The following EFCAB8 variants were observed in gnomAD, a reference collection of about 807,000 sequenced individuals.
EFCAB8 encodes the protein EF-hand calcium binding domain 8.
A neutral mutation model predicts 116.3 loss-of-function variants in EFCAB8; 100 were observed. The ratio of observed to expected loss-of-function variants is 0.86; its 90% confidence interval spans 0.73 to 1.02. The LOEUF (loss-of-function observed/expected upper bound fraction) is 1.02. EFCAB8 is among the 50% of genes least tolerant of loss of function. The pLI is 0.00. For missense variants in EFCAB8, 1,320 were observed against 1,416.9 expected, an observed-to-expected ratio of 0.93 and a Z score of 1.10; for synonymous variants, 558 against 567.9, an observed-to-expected ratio of 0.98 and a Z score of 0.25.
chr20:32,889,387 G>A lies in EFCAB8; in HGVS notation c.654G>A (p.Ala218=), dbSNP rs201446192. The change falls in exon 7 of 27, where the codon GCG becomes GCA. Residue 218 remains alanine, a synonymous_variant. Coordinates refer to ENST00000400522, the MANE Select transcript of EFCAB8 (RefSeq NM_001143967.2). Reference sequence around the variant, plus strand: ...ACAATATGAACCTCGTTGCAGTTGCGTCTACCAGGCAAAAGATAGGTGAGT... The same window carrying A: ...ACAATATGAACCTCGTTGCAGTTGCATCTACCAGGCAAAAGATAGGTGAGT... The part of the protein sequence containing the change: ...CLHNMNLVAV[A]STRQKIDFFD... 7.0e-5 allele frequency: 109 copies of A among 1,551,872 alleles called. No individual in the cohort carries two copies. The highest frequency in any genetic ancestry group is 3.9e-4 in the South Asian group (33 of 84,068).
At chr20:32,906,692 A>G (rs764978155) in intron 12 of EFCAB8, 63 bp downstream of exon 12, 1 of 718,040 alleles carries the variant, frequency 1.4e-6, no homozygotes, top group Non-Finnish European at 2.6e-6. Context: ...TGGGGGGACC[A>G]CCAGAGCTCA....
At chr20:32,908,034 G>A (rs1313043655) in intron 13 of EFCAB8, among the ~76,000 whole-genome samples, 1 of 152,190 alleles carries the variant, frequency 6.6e-6, no homozygotes, top group African/African-American at 2.4e-5. Flanking sequence ...TGGAGGCCTG[G>A]GGGCAGGCTG....
chr20:32,868,763 T>G (rs945651583), intron 3 of EFCAB8, among the ~76,000 whole-genome samples: 7 of 152,124 alleles, frequency 4.6e-5, no homozygotes, highest in African/African-American at 1.7e-4. Flanking sequence ...GGCGGGCAGA[T>G]CACTTAAGGT....
intron 1 of EFCAB8, among the ~76,000 whole-genome samples, chr20:32,861,731 T>G (rs761292764): frequency 2.5e-4 from 38 of 152,158 alleles, no homozygotes; most frequent in Non-Finnish European, 4.3e-4. Context: ...AGACCCCATC[T>G]CAAAAGATCG....
chr20:32,906,932 G>T lies in EFCAB8; in HGVS notation c.1246G>T (p.Val416Leu), dbSNP rs1422378554. The change falls in exon 13 of 27, where the codon GTG becomes TTG. Residue 416 changes from valine (V) to leucine (L), a missense_variant. By Grantham distance (32) the Val-to-Leu change is conservative. Coordinates refer to ENST00000400522, the MANE Select transcript of EFCAB8 (RefSeq NM_001143967.2). ...VWLMKGHQTS[V>L]THILVDSRNN... is the part of the protein sequence containing the mutation. ...GCTGATGAAGGGACACCAGACCTCA[G>T]TGACGCACATCCTTGTGGATAGCAG... is the stretch of plus-strand genomic sequence containing the variant. 6.5e-7 allele frequency: 1 copy of T among 1,549,666 alleles called. No individual in the cohort carries two copies. The highest frequency in any genetic ancestry group is 8.7e-7 in the Non-Finnish European group (1 of 1,146,004).
chr20:32,951,590 A>G (rs1189361629), intron 23 of EFCAB8, among the ~76,000 whole-genome samples: 1 of 152,244 alleles, frequency 6.6e-6, no homozygotes, highest in Non-Finnish European at 1.5e-5. Flanking sequence ...TCAAAGAAGC[A>G]GGAAGAAACT....
intron 3 of EFCAB8, 46 bp downstream of exon 3, chr20:32,867,793 G>A (rs1269517869): frequency 2.0e-6 from 3 of 1,535,378 alleles, no homozygotes; most frequent in African/African-American, 1.4e-5. Flanking sequence ...TTCTGCAACA[G>A]GGCAGGACCG....
Position 32,911,602 on chromosome 20 carries a change from G to T in EFCAB8, c.1680G>T (p.Glu560Asp). 6.4e-7 allele frequency: 1 copy of T among 1,551,614 alleles called. No individual in the cohort carries two copies. The highest frequency in any genetic ancestry group is 8.7e-7 in the Non-Finnish European group (1 of 1,146,910). Reference protein sequence around the residue: ...HVEMTAMALDESERCLLTGLR... With the variant: ...HVEMTAMALDDSERCLLTGLR... ...AGATGACCGCCATGGCCCTGGATGAGTCAGAGCGGTGCCTGCTCACAGGTT... is the reference window on the plus strand; with the variant it reads ...AGATGACCGCCATGGCCCTGGATGATTCAGAGCGGTGCCTGCTCACAGGTT... The change falls in exon 16 of 27, where the codon GAG (glutamate) becomes GAT (aspartate). Residue 560 changes from glutamate to aspartate, a missense_variant. Coordinates refer to ENST00000400522, the MANE Select transcript of EFCAB8 (RefSeq NM_001143967.2).
chr20:32,889,418 G>T lies in EFCAB8; in HGVS notation c.673+12G>T, dbSNP rs1401443988. On this transcript the variant is annotated intron_variant, in intron 7 of 26. Coordinates refer to ENST00000400522, the MANE Select transcript of EFCAB8 (RefSeq NM_001143967.2). ...CAGGCAAAAGATAGGTGAGTCCCTG[G>T]GGGCTTCCCAGCTCTGCTCTCAGCC... 1.9e-6 allele frequency: 3 copies of T among 1,551,094 alleles called. No individual in the cohort carries two copies. The highest frequency in any genetic ancestry group is 2.6e-6 in the Non-Finnish European group (3 of 1,146,386).
intron 17 of EFCAB8, among the ~76,000 whole-genome samples, chr20:32,916,090 G>C (rs888372004): frequency 1.3e-5 from 2 of 152,198 alleles, no homozygotes; most frequent in African/African-American, 4.8e-5. Context: ...GAATACCATA[G>C]AGTAGGTGGC....
chr20:32,871,105 G>A (rs144988001), intron 3 of EFCAB8, among the ~76,000 whole-genome samples: 2,787 of 151,978 alleles, frequency 0.018, 41 homozygotes, highest in Middle Eastern at 0.082. Flanking sequence ...CACCTGTCTC[G>A]CCTCCCAAAG....
chr20:32,923,537 T>A (rs559393266), intron 20 of EFCAB8, among the ~76,000 whole-genome samples: 3 of 151,744 alleles, frequency 2.0e-5, no homozygotes, highest in African/African-American at 7.3e-5. Flanking sequence ...TTTATACGAG[T>A]GTATAAAGTA....
Position 32,918,474 on chromosome 20 carries a change from A to AGTCT in EFCAB8, c.2177_2180dup (p.Ala728CysfsTer58). ...AGGAAGCTCTCCAGTCTCAGCCCCG[A>AGTCT]GTCTGTGGCCAATACCAACCTGAGG... On this transcript the variant is annotated frameshift_variant, in exon 19 of 27. Transcript: ENST00000400522. LOFTEE classifies it high-confidence loss of function. 6.4e-7 allele frequency: 1 copy of AGTCT among 1,551,712 alleles called. No homozygotes were observed. Among genetic ancestry groups the AGTCT allele is most frequent in the Non-Finnish European group, 8.7e-7 (1 of 1,147,000 alleles).
At chr20:32,885,669 A>C in intron 6 of EFCAB8, 29 bp downstream of exon 6, 1 of 1,550,414 alleles carries the variant, frequency 6.4e-7, no homozygotes. Context: ...CATGGTGCAC[A>C]CATGGGTGAT....
intron 22 of EFCAB8, among the ~76,000 whole-genome samples, chr20:32,933,407 CAT>C (rs1463060679): frequency 6.6e-6 from 1 of 152,184 alleles, no homozygotes; most frequent in Non-Finnish European, 1.5e-5. Context: ...TCTATGTACA[CAT>C]GTGGAATGAT....
chr20:32,910,561 A>C (rs952178385), intron 15 of EFCAB8, among the ~76,000 whole-genome samples: 1 of 152,058 alleles, frequency 6.6e-6, no homozygotes, highest in Admixed American at 6.6e-5. Context: ...TGGGCTGCAC[A>C]AGGCTGGAGC....
At chr20:32,948,474 G>A (rs2146296895) in intron 23 of EFCAB8, among the ~76,000 whole-genome samples, 1 of 149,058 alleles carries the variant, frequency 6.7e-6, no homozygotes, top group East Asian at 2.0e-4. Flanking sequence ...CCCAACTCAT[G>A]AGGCAACTTG....
At chr20:32,903,384 G>T (rs1986525192) in intron 11 of EFCAB8, 1 of 152,296 alleles carries the variant, frequency 6.6e-6, no homozygotes, top group African/African-American at 2.4e-5. Flanking sequence ...TCCCTTGCAG[G>T]ACTCGCCATG....
intron 20 of EFCAB8, among the ~76,000 whole-genome samples, chr20:32,925,329 C>T (rs188790701): frequency 5.3e-5 from 8 of 152,308 alleles, no homozygotes; most frequent in Admixed American, 6.5e-5. Context: ...AAGTGATTCT[C>T]GTGCCTCAAC....
Sources: gnomAD v4.1 joint callset for allele counts (sites outside exome capture counted in the v4.1 genomes callset) on GRCh38, gnomAD v4.1.1 for gene constraint, MANE v1.5 for transcripts, NCBI Gene and HGNC (gene_info 2026-07-23, HGNC 2026-07-21) for gene names.